The following CCDC102B variants were observed in gnomAD, a reference collection of about 807,000 sequenced individuals.
CCDC102B encodes coiled-coil domain-containing protein 102B.
In CCDC102B, 75 loss-of-function variants were observed where a neutral mutation model predicts 57.4. The observed-to-expected ratio is 1.31, with a 90% CI of 1.08 to 1.58. CCDC102B has a LOEUF of 1.58. Among genes scored for constraint, CCDC102B ranks in the 40% most tolerant of loss-of-function variants. CCDC102B has a pLI of 0.00. For missense variants in CCDC102B, 636 were observed against 582.6 expected (o/e 1.09, Z -0.94); for synonymous variants, 206 against 201.9 (o/e 1.02, Z -0.17).
chr18:68,898,192 A>C (rs1055138939), intron 6 of CCDC102B, among the ~76,000 whole-genome samples: 3 of 152,076 alleles, frequency 2.0e-5, no homozygotes, highest in Non-Finnish European at 4.4e-5. Context: ...TAGCATCTTA[A>C]TGCACAATTC....
intron 2 of CCDC102B, among the ~76,000 whole-genome samples, chr18:68,765,045 T>TTAAATAAATAAATAAATAAATAAATAAA (rs60550530): frequency 6.3e-5 from 8 of 127,148 alleles, no homozygotes; most frequent in African/African-American, 1.9e-4. Context: ...AAACCCTCTC[T>TTAAATAAATAAATAAATAAATAAATAAA]TAAATAAATA....
intron 6 of CCDC102B, among the ~76,000 whole-genome samples, chr18:68,920,141 AGT>A (rs763017186): frequency 3.6e-4 from 55 of 151,984 alleles, no homozygotes; most frequent in Non-Finnish European, 6.5e-4. Context: ...GACAGGCCCC[AGT>A]GTGTGTTGTT....
At chr18:68,932,808 T>C (rs2041720149) in intron 6 of CCDC102B, among the ~76,000 whole-genome samples, 1 of 151,876 alleles carries the variant, frequency 6.6e-6, no homozygotes, top group African/African-American at 2.4e-5. Flanking sequence ...GAAGCTTCTT[T>C]AGTGCAGCTT....
intron 6 of CCDC102B, among the ~76,000 whole-genome samples, chr18:68,998,985 TATATATATATATATAGAGAGAGAG>T (rs1398067819): frequency 1.5e-4 from 11 of 75,614 alleles, no homozygotes; most frequent in South Asian, 6.1e-4. Context: ...TATATATATA[TATATATATATATATAGAGAGAGAG>T]AGAGAGAGAG....
intron 4 of CCDC102B, among the ~76,000 whole-genome samples, chr18:68,853,506 AT>A (rs1449548584): frequency 6.6e-6 from 1 of 151,986 alleles, no homozygotes; most frequent in Non-Finnish European, 1.5e-5. Flanking sequence ...AGGAAAAAGT[AT>A]TAGTTATTTT....
At chr18:68,976,383 A>G (rs905959484) in intron 6 of CCDC102B, among the ~76,000 whole-genome samples, 2 of 152,030 alleles carry the variant, frequency 1.3e-5, no homozygotes, top group Admixed American at 1.3e-4. Context: ...AATATTACAT[A>G]TATGAAAAGG....
At chr18:68,768,488 A>G (rs1465792053) in intron 2 of CCDC102B, among the ~76,000 whole-genome samples, 1 of 152,170 alleles carries the variant, frequency 6.6e-6, no homozygotes, top group Non-Finnish European at 1.5e-5. Flanking sequence ...TATTGATCTT[A>G]TATTCTCTTA....
intron 6 of CCDC102B, among the ~76,000 whole-genome samples, chr18:68,990,347 A>G (rs1255697707): frequency 6.6e-6 from 1 of 152,122 alleles, no homozygotes; most frequent in Admixed American, 6.6e-5. Flanking sequence ...TGGAGATGGG[A>G]GCACTGAAGA....
chr18:68,997,072 C>A (rs564666024), intron 6 of CCDC102B, among the ~76,000 whole-genome samples: 13 of 152,126 alleles, frequency 8.5e-5, no homozygotes, highest in Non-Finnish European at 4.4e-5. Flanking sequence ...TCAGCACTTC[C>A]CCTTCCTGCC....
At chr18:69,005,108 A>G (rs749763071) in intron 6 of CCDC102B, among the ~76,000 whole-genome samples, 2 of 152,178 alleles carry the variant, frequency 1.3e-5, no homozygotes, top group African/African-American at 2.4e-5. Flanking sequence ...AAAAATTATA[A>G]TGTGTTTAAC....
chr18:68,785,487 C>T (rs1003609698), intron 2 of CCDC102B, among the ~76,000 whole-genome samples: 3 of 151,456 alleles, frequency 2.0e-5, no homozygotes, highest in African/African-American at 7.3e-5. Context: ...TCTCCAGCAC[C>T]TGTTGTTTCC....
chr18:68,793,699 G>T (rs1226922973), upstream of CCDC102B, among the ~76,000 whole-genome samples: 1 of 152,046 alleles, frequency 6.6e-6, no homozygotes, highest in Non-Finnish European at 1.5e-5. Flanking sequence ...CCAACCAGCT[G>T]TCAGCTTTGT....
chr18:68,873,964 C>T (rs1748182578), intron 4 of CCDC102B, among the ~76,000 whole-genome samples: 1 of 151,834 alleles, frequency 6.6e-6, no homozygotes, highest in African/African-American at 2.4e-5. Context: ...ATGTGTGCAA[C>T]TACACATTTT....
At chr18:68,987,344 A>G (rs112457767) in intron 6 of CCDC102B, among the ~76,000 whole-genome samples, 10,897 of 152,152 alleles carry the variant, frequency 0.072, 711 homozygotes, top group African/African-American at 0.16. Flanking sequence ...TCAATAAATG[A>G]TGCTTGGATA....
chr18:68,758,273 C>T (rs964519200), intron 2 of CCDC102B, among the ~76,000 whole-genome samples: 7 of 151,068 alleles, frequency 4.6e-5, no homozygotes, highest in African/African-American at 1.2e-4. Flanking sequence ...ATAGAGGTAT[C>T]ACATATGTAT....
At chr18:68,718,432 G>A (rs954365905) in intron 2 of CCDC102B, among the ~76,000 whole-genome samples, 6 of 152,174 alleles carry the variant, frequency 3.9e-5, no homozygotes, top group African/African-American at 1.4e-4. Context: ...GGTACTACAT[G>A]ATTTTATTTA....
intron 2 of CCDC102B, among the ~76,000 whole-genome samples, chr18:68,772,427 T>A (rs1027310261): frequency 6.6e-6 from 1 of 152,146 alleles, no homozygotes; most frequent in Non-Finnish European, 1.5e-5. Flanking sequence ...GTGAATAACT[T>A]CTAATATTTA....
chr18:69,000,248 T>TA (rs918019625), intron 6 of CCDC102B, among the ~76,000 whole-genome samples: 2 of 152,124 alleles, frequency 1.3e-5, no homozygotes, highest in Admixed American at 6.6e-5. Flanking sequence ...TATCAGACAT[T>TA]AAAAAAATGC....
At chr18:68,744,346 G>T (rs2033529725) in intron 2 of CCDC102B, among the ~76,000 whole-genome samples, 2 of 152,122 alleles carry the variant, frequency 1.3e-5, no homozygotes, top group Non-Finnish European at 2.9e-5. Flanking sequence ...AACTGTGGAG[G>T]TTTTAAAATT....
Sources: gnomAD v4.1 joint callset for allele counts (sites outside exome capture counted in the v4.1 genomes callset) on GRCh38, gnomAD v4.1.1 for gene constraint, MANE v1.5 for transcripts, NCBI Gene and HGNC (gene_info 2026-07-23, HGNC 2026-07-21) for gene names.